ZNF510: variants seen among roughly 807,000 people sequenced by gnomAD.
The protein encoded by ZNF510 is zinc finger protein 510.
In ZNF510, 15 loss-of-function variants were observed where a neutral mutation model predicts 18.1. That is an observed-to-expected ratio of 0.83 (90% CI 0.55 to 1.28). The LOEUF (loss-of-function observed/expected upper bound fraction) is 1.28, where lower values mean the gene tolerates loss of function less well. ZNF510 is among the 50% of genes most tolerant of loss of function. ZNF510 has a pLI of 0.00. For missense variants in ZNF510, 724 were observed against 791.8 expected (o/e 0.91, Z 1.03); for synonymous variants, 261 against 266.4 (o/e 0.98, Z 0.20).
chr9:96,759,840 ATTAAGT>A lies in ZNF510; in HGVS notation c.984_989del (p.Lys328_Leu329del), dbSNP rs751255772. The A allele has an allele frequency of 3.1e-6, 5 of 1,613,492 alleles. No individual in the cohort carries two copies. The highest frequency in any genetic ancestry group is 2.7e-5 in the African/African-American group (2 of 74,904). On this transcript the variant is annotated inframe_deletion, in exon 6 of 6. Coordinates refer to ENST00000223428, the MANE Select transcript of ZNF510 (RefSeq NM_014930.3). ...TTAATTCATAATGTTTTATACCCAT[ATTAAGT>A]TTATTATATTCCTCCACAGTTGACT...
At chr9:96,777,522 A>G (rs1849728487) in intron 1 of ZNF510, 1 of 152,208 alleles carries the variant, frequency 6.6e-6, no homozygotes. Context: ...ACGGGAATCA[A>G]CATTTACATG....
At chr9:96,769,204 G>A (rs1849536409) in intron 3 of ZNF510, among the ~76,000 whole-genome samples, 1 of 152,076 alleles carries the variant, frequency 6.6e-6, no homozygotes, top group Non-Finnish European at 1.5e-5. Flanking sequence ...GGAGGCTGAG[G>A]CAGACAGATC....
intron 2 of ZNF510, among the ~76,000 whole-genome samples, chr9:96,775,371 T>G (rs1462514814): frequency 6.6e-6 from 1 of 152,156 alleles, no homozygotes; most frequent in Non-Finnish European, 1.5e-5. Context: ...CTTGCTGTTT[T>G]TCATCAGGCG....
At chr9:96,773,045 A>G (rs1564441673) in intron 3 of ZNF510, among the ~76,000 whole-genome samples, 3 of 152,262 alleles carry the variant, frequency 2.0e-5, no homozygotes, top group Admixed American at 6.5e-5. Context: ...TAAAAGGGAA[A>G]TATTAAGATA....
rs1234741755 is a variant in ZNF510 at position 96,756,814 on chromosome 9, C to G, written c.*1964G>C. On this transcript the variant is annotated 3_prime_UTR_variant, in exon 6 of 6. Coordinates refer to ENST00000223428, the MANE Select transcript of ZNF510 (RefSeq NM_014930.3). ...TGCCAGAAGTTTCAACCCACAAAAT[C>G]ACCAGTCACAGAGAGAGACTTGAAG... 1.3e-5 allele frequency: 2 copies of G among 152,240 alleles called. No homozygotes were observed. The highest frequency in any genetic ancestry group is 3.9e-4 in the East Asian group (2 of 5,190). 9.4% of individuals were successfully genotyped at this position (152,240 alleles called of 1,614,324 possible).
intron 5 of ZNF510, among the ~76,000 whole-genome samples, chr9:96,761,226 C>A (rs1849339895): frequency 6.6e-6 from 1 of 152,164 alleles, no homozygotes; most frequent in Non-Finnish European, 1.5e-5. Context: ...GCTAAGTGAA[C>A]CTGATCATCC....
intron 1 of ZNF510, among the ~76,000 whole-genome samples, chr9:96,777,006 C>T (rs73654603): frequency 0.05 from 7,634 of 152,282 alleles, 555 homozygotes; most frequent in African/African-American, 0.16. Context: ...GAGAAAACCA[C>T]AGTATGTTCT....
chr9:96,765,519 CT>C (rs796308923), intron 3 of ZNF510, among the ~76,000 whole-genome samples: 3,488 of 143,980 alleles, frequency 0.024, 126 homozygotes, highest in African/African-American at 0.078. Context: ...TTCACTTTTT[CT>C]TTTTTTTTTT....
rs772867791 is a variant in ZNF510, at chr9:96,763,671, A to G, written c.130-39T>C. On this transcript the variant is annotated intron_variant, in intron 3 of 5. Coordinates refer to ENST00000223428, the MANE Select transcript of ZNF510 (RefSeq NM_014930.3). Reference sequence around the variant, plus strand: ...TTTCTATTCAATCTGAAGGGTTCAGAATTAGATGATGTAGAAAATAGCCAT... The same window carrying G: ...TTTCTATTCAATCTGAAGGGTTCAGGATTAGATGATGTAGAAAATAGCCAT... 6 of 1,524,354 alleles carry G rather than the reference A, an allele frequency of 3.9e-6. No individual in the cohort carries two copies. In the African/African-American group the frequency reaches 8.4e-5, roughly 21 times the overall value. The allele number at this position is 1,524,354 out of a possible 1,614,324, so 94.4% of individuals were successfully genotyped here.
intron 1 of ZNF510, among the ~76,000 whole-genome samples, chr9:96,776,739 C>G (rs1564443489): frequency 6.6e-6 from 1 of 152,140 alleles, no homozygotes; most frequent in African/African-American, 2.4e-5. Flanking sequence ...GAGCCAAGAT[C>G]ACACCACTGC....
At chr9:96,768,006 G>A (rs1849510191) in intron 3 of ZNF510, among the ~76,000 whole-genome samples, 1 of 152,060 alleles carries the variant, frequency 6.6e-6, no homozygotes, top group South Asian at 2.1e-4. Flanking sequence ...CAAATAAAAA[G>A]TACTATATAC....
At position 96,756,696 on chromosome 9, in the gene ZNF510, T is replaced by TAACA. The variant is rs1849201460; in HGVS notation, c.*2078_*2081dup. ...TGTGTAAAAGAGCCCAAGAGTAAAC[T>TAACA]AACAGCTGCTTTTCAGAAGGGGTGG... On this transcript the variant is annotated 3_prime_UTR_variant, in exon 6 of 6. Coordinates refer to ENST00000223428, the MANE Select transcript of ZNF510 (RefSeq NM_014930.3). 1 of 152,152 alleles carries TAACA rather than the reference T, an allele frequency of 6.6e-6. No individual in the cohort carries two copies. The highest frequency in any genetic ancestry group is 1.5e-5 in the Non-Finnish European group (1 of 68,030). 9.4% of individuals were successfully genotyped at this position (152,152 alleles called of 1,614,324 possible).
rs1321970843 is a variant in ZNF510, at chr9:96,760,332, A to G, written c.498T>C (p.Ala166=). Residue 166 remains alanine (A), a synonymous_variant, in exon 6 of 6, where the codon GCT becomes GCC. Coordinates refer to ENST00000223428, the MANE Select transcript of ZNF510 (RefSeq NM_014930.3). ...TGCAGGACATTTTTGTTGAAGCAAC[A>G]GCAGCTACATGCAGAGTAAATGGTT... is the stretch of plus-strand genomic sequence containing the variant. ...LGKPFTLHVA[A]VASTKMSCKC... is the part of the protein sequence containing the mutation. 3.7e-6 allele frequency: 6 copies of G among 1,613,924 alleles called. No individual in the cohort carries two copies. In the East Asian group the frequency reaches 1.1e-4, roughly 30 times the overall value.
chr9:96,774,279 G>A (rs534403016), intron 3 of ZNF510, among the ~76,000 whole-genome samples: 15 of 152,290 alleles, frequency 9.8e-5, no homozygotes, highest in African/African-American at 3.4e-4. Context: ...CTACCTGAAC[G>A]TCTGTTTCCA....
At position 96,759,820 on chromosome 9, in the gene ZNF510, T is replaced by C; in HGVS notation, c.1010A>G (p.Glu337Gly). Residue 337 changes from glutamate (E) to glycine (G), a missense_variant, in exon 6 of 6, where the codon GAA becomes GGA. Glu to Gly is a moderately conservative substitution (Grantham distance 98). Coordinates refer to ENST00000223428, the MANE Select transcript of ZNF510 (RefSeq NM_014930.3). ...NKLNMGIKHY[E>G]LNPSGNNFNR... ...GAAATTATTTCCACTTGGATTTAATTCATAATGTTTTATACCCATATTAAG... is the reference window on the plus strand; with the variant it reads ...GAAATTATTTCCACTTGGATTTAATCCATAATGTTTTATACCCATATTAAG... 1.9e-6 allele frequency: 3 copies of C among 1,613,844 alleles called. No individual in the cohort carries two copies. The highest frequency in any genetic ancestry group is 2.5e-6 in the Non-Finnish European group (3 of 1,179,942).
At chr9:96,760,616 A>G (rs1849322865) in intron 5 of ZNF510, 139 bp from the exon 6 acceptor site, 1 of 740,284 alleles carries the variant, frequency 1.4e-6, no homozygotes, top group Non-Finnish European at 2.0e-6. Context: ...GTGTAAATAT[A>G]TATATCTCAG....
At position 96,774,816 on chromosome 9, in the gene ZNF510, TGAAA is replaced by T. The variant is rs774313238; in HGVS notation, c.97_100del (p.Phe33ArgfsTer6). 6 of 1,613,868 alleles carry T rather than the reference TGAAA, an allele frequency of 3.7e-6. No homozygotes were observed. In the Admixed American group the frequency reaches 5.0e-5, roughly 13 times the overall value. ...AGATATGTTCATTTTCTGCTGCTCC[TGAAA>T]GAGTGTGGAGAACCGTAAAGGATAA... On this transcript the variant is annotated frameshift_variant, in exon 3 of 6. Transcript: ENST00000223428. LOFTEE classifies it high-confidence loss of function.
chr9:96,759,882 T>C lies in ZNF510; in HGVS notation c.948A>G (p.Lys316=). ...CCTCCACAGTTGACTTCTCAAAGGA[T>C]TTCCCACATTGATTAAGATGCAGGT... ...KKHLHLNQCG[K]SFEKSTVEEY... Residue 316 remains lysine (K), a synonymous_variant, in exon 6 of 6, where the codon AAA becomes AAG. Coordinates refer to ENST00000223428, the MANE Select transcript of ZNF510 (RefSeq NM_014930.3). The C allele has an allele frequency of 3.7e-6, 6 of 1,613,370 alleles. No individual in the cohort carries two copies. The highest frequency in any genetic ancestry group is 4.2e-6 in the Non-Finnish European group (5 of 1,179,976).
intron 5 of ZNF510, among the ~76,000 whole-genome samples, chr9:96,762,449 C>T (rs919529395): frequency 2.1e-4 from 31 of 148,638 alleles, no homozygotes; most frequent in African/African-American, 7.8e-4. Flanking sequence ...GTGGAGCTTG[C>T]AGTGAGCCAA....
Sources: allele counts gnomAD v4.1 joint callset (sites outside exome capture counted in the v4.1 genomes callset), GRCh38; gene constraint gnomAD v4.1.1; transcripts MANE v1.5; gene names NCBI Gene and HGNC (gene_info 2026-07-23, HGNC 2026-07-21).